The following CLIC5 variants were observed in gnomAD, a reference collection of about 807,000 sequenced individuals.
CLIC5 encodes the protein CLIC family member 5, also known as chloride intracellular channel protein 5.
Under a neutral mutation model 24.7 loss-of-function variants are expected in CLIC5, and 20 were observed. The observed-to-expected ratio is 0.81, with a 90% confidence interval of 0.57 to 1.18. The LOEUF (loss-of-function observed/expected upper bound fraction) is 1.18, where lower values mean the gene tolerates loss of function less well. Among genes scored for constraint, CLIC5 ranks in the 50% most tolerant of loss-of-function variants. CLIC5 has a pLI of 0.00. For missense variants in CLIC5, 341 were observed against 326.1 expected (o/e 1.05, Z -0.35); for synonymous variants, 159 against 135.6 (o/e 1.17, Z -1.20).
intron 1 of CLIC5, among the ~76,000 whole-genome samples, chr6:46,012,613 A>C (rs578144437): frequency 6.6e-6 from 1 of 152,244 alleles, no homozygotes; most frequent in African/African-American, 2.4e-5. Context: ...CAGGCCTGAC[A>C]TATAGGTATT....
chr6:46,054,492 C>A (rs1007153792), intron 1 of CLIC5, among the ~76,000 whole-genome samples: 2 of 152,210 alleles, frequency 1.3e-5, no homozygotes, highest in Admixed American at 1.3e-4. Context: ...TATGCATCAT[C>A]CAAATATTAT....
At chr6:46,018,712 T>G (rs1305065273), upstream of CLIC5, 1 of 152,198 alleles carries the variant, frequency 6.6e-6, no homozygotes, top group Non-Finnish European at 1.5e-5. Context: ...TTGAATAAAT[T>G]TTTACCAGGA....
intron 1 of CLIC5, among the ~76,000 whole-genome samples, chr6:45,974,524 G>C (rs58757805): frequency 3.0e-5 from 1 of 33,828 alleles, no homozygotes; most frequent in South Asian, 1.6e-3. Flanking sequence ...TATATATATA[G>C]AGAGAGAGAG....
rs754150671 is a variant in CLIC5, at chr6:46,015,512, C to T, written c.31G>A (p.Asp11Asn). The change falls in exon 1 of 6, where the codon GAC (aspartate) becomes AAC (asparagine). Residue 11 changes from aspartate to asparagine, a missense_variant. Coordinates refer to ENST00000339561, the MANE Select transcript of CLIC5 (RefSeq NM_016929.5). The stretch of plus-strand genomic sequence containing the variant: ...AAGAGCTCGATCTCGGGGTCCCTGT[C>T]GTCCCCGTTAGCTGTCGCCGAGTCT... MTDSATANGD[D>N]RDPEIELFVK... The T allele has an allele frequency of 2.3e-5, 37 of 1,574,684 alleles. No individual in the cohort carries two copies. The African/African-American group carries it at 5.1e-4, about 22-fold the overall frequency.
intron 1 of CLIC5, among the ~76,000 whole-genome samples, chr6:46,063,397 G>T (rs1286693819): frequency 6.6e-6 from 1 of 152,166 alleles, no homozygotes; most frequent in African/African-American, 2.4e-5. Context: ...TGAAATGATG[G>T]TTTTCAGACA....
intron 4 of CLIC5, among the ~76,000 whole-genome samples, chr6:45,918,281 T>A (rs1197722483): frequency 5.3e-5 from 8 of 152,244 alleles, no homozygotes; most frequent in Admixed American, 5.2e-4. Flanking sequence ...CAATATTGTT[T>A]TCTCGTCGTA....
At position 45,905,211 on chromosome 6, in the gene CLIC5, G is replaced by A. The variant is rs570495740; in HGVS notation, c.589-1956C>T. ...TATGAATGCATATGAAATTTTTTTGGTAAAACAGTTTATTTTCCTTTGGAT... is the reference window on the plus strand; with the variant it reads ...TATGAATGCATATGAAATTTTTTTGATAAAACAGTTTATTTTCCTTTGGAT... On this transcript the variant is annotated intron_variant, in intron 5 of 5. Transcript: ENST00000339561. Among the ~76,000 whole-genome samples the A allele has an allele frequency of 4.6e-5, 7 of 152,234 alleles. No individual in the cohort carries two copies. In the South Asian group the frequency reaches 1.2e-3, roughly 27 times the overall value.
chr6:45,964,878 A>G (rs1764967355), intron 1 of CLIC5, among the ~76,000 whole-genome samples: 2 of 152,206 alleles, frequency 1.3e-5, no homozygotes, highest in African/African-American at 2.4e-5. Context: ...CAGGCCCCTT[A>G]TCTTCAAATT....
chr6:45,885,243 G>T (rs527924676), intron 6 of CLIC5, among the ~76,000 whole-genome samples: 4 of 152,048 alleles, frequency 2.6e-5, no homozygotes, highest in African/African-American at 7.2e-5. Context: ...GAGCTCTCTC[G>T]CCCTGTTTCT....
At chr6:46,001,895 T>G (rs1766372876) in intron 1 of CLIC5, among the ~76,000 whole-genome samples, 2 of 152,190 alleles carry the variant, frequency 1.3e-5, no homozygotes, top group Admixed American at 6.5e-5. Flanking sequence ...AGGAGAGAGA[T>G]GCTCTGCAAA....
At chr6:45,916,382 G>T (rs1763033171) in intron 4 of CLIC5, among the ~76,000 whole-genome samples, 1 of 152,138 alleles carries the variant, frequency 6.6e-6, no homozygotes, top group Admixed American at 6.5e-5. Context: ...ACTAAACAAT[G>T]CTTATTATGC....
chr6:45,913,705 G>T, intron 5 of CLIC5: 1 of 987,886 alleles, frequency 1.0e-6, no homozygotes, highest in Non-Finnish European at 1.3e-6. Context: ...TGCAATGATA[G>T]CAAGAAAGTG....
In CLIC5 at chr6:45,958,425, TATA is replaced by T. The variant is rs1764720496; in HGVS notation, c.64-3184_64-3182del. ...CAGGGAAGTGTCAAAAAGACAATTA[TATA>T]TATATATATATATATATATATATAT... On this transcript the variant is annotated intron_variant, in intron 1 of 5. Transcript: ENST00000339561. Among the ~76,000 whole-genome samples, 8 of 5,112 alleles carry T rather than the reference TATA, an allele frequency of 1.6e-3. 2 individuals are homozygous for T. Among genetic ancestry groups the T allele is most frequent in the African/African-American group, 3.1e-3 (8 of 2,608 alleles). The allele number at this position is 5,112 out of a possible 152,430, so 3.4% of individuals were successfully genotyped here.
chr6:45,933,205 G>A (rs1763809979), intron 4 of CLIC5, among the ~76,000 whole-genome samples: 3 of 152,166 alleles, frequency 2.0e-5, no homozygotes, highest in Admixed American at 6.5e-5. Flanking sequence ...GTGGCTAATG[G>A]CCACTTTTTT....
chr6:46,129,456 C>T, the CLIC5 span: 1 of 152,230 alleles, frequency 6.6e-6, no homozygotes, highest in Non-Finnish European at 1.5e-5. Flanking sequence ...TTACTGGTTC[C>T]CTGCCGCAGG....
intron 1 of CLIC5, among the ~76,000 whole-genome samples, chr6:46,076,233 C>T (rs1363456887): frequency 6.6e-6 from 1 of 152,234 alleles, no homozygotes; most frequent in East Asian, 1.9e-4. Flanking sequence ...TACCACCTTG[C>T]CTCCCTGGCT....
At chr6:46,079,162 C>T (rs1410220043) in intron 1 of CLIC5, among the ~76,000 whole-genome samples, 2 of 152,208 alleles carry the variant, frequency 1.3e-5, no homozygotes, top group African/African-American at 4.8e-5. Flanking sequence ...AAGCATTAAA[C>T]ATTAACACTG....
Position 46,015,586 on chromosome 6 carries a change from A to T in CLIC5, c.-44T>A. On this transcript the variant is annotated 5_prime_UTR_variant, in exon 1 of 6. Coordinates refer to ENST00000339561, the MANE Select transcript of CLIC5 (RefSeq NM_016929.5). Reference sequence around the variant, plus strand: ...TACCGTCCCGGGCCGGGGAGGCGCCACCTCTGCAGCACCTGGGCCAGCACT... The same window carrying T: ...TACCGTCCCGGGCCGGGGAGGCGCCTCCTCTGCAGCACCTGGGCCAGCACT... The T allele has an allele frequency of 1.3e-6, 2 of 1,535,314 alleles. No homozygotes were observed. The highest frequency in any genetic ancestry group is 1.8e-6 in the Non-Finnish European group (2 of 1,140,828).
intron 1 of CLIC5, among the ~76,000 whole-genome samples, chr6:45,987,133 C>G (rs1765771298): frequency 6.6e-6 from 1 of 152,120 alleles, no homozygotes; most frequent in Non-Finnish European, 1.5e-5. Flanking sequence ...GCATTTGACC[C>G]CATTAACTTA....
Sources: gnomAD v4.1 joint callset for allele counts (sites outside exome capture counted in the v4.1 genomes callset) on GRCh38, gnomAD v4.1.1 for gene constraint, MANE v1.5 for transcripts, NCBI Gene and HGNC (gene_info 2026-07-23, HGNC 2026-07-21) for gene names.